RBFOX1: variants seen among roughly 807,000 people sequenced by gnomAD.
RBFOX1 encodes RNA binding fox-1 homolog 1, also known as RNA binding protein fox-1 homolog 1.
Under a neutral mutation model 57.7 loss-of-function variants are expected in RBFOX1, and 8 were observed. The ratio of observed to expected loss-of-function variants is 0.14; its 90% CI spans 0.08 to 0.25. RBFOX1 has a LOEUF of 0.25. Among genes scored for constraint, RBFOX1 ranks in the 10% least tolerant of loss-of-function variants. The pLI is 1.00. For synonymous variants in RBFOX1, 326 were observed against 222.4 expected, an observed-to-expected ratio of 1.47 and a Z score of -4.15; for missense variants, 611 against 548.5, an observed-to-expected ratio of 1.11 and a Z score of -1.14.
At chr16:7,047,553 T>G (rs997291551) in intron 3 of RBFOX1, among the ~76,000 whole-genome samples, 1 of 152,022 alleles carries the variant, frequency 6.6e-6, no homozygotes, top group South Asian at 2.1e-4. Flanking sequence ...TTTAACTCTT[T>G]TAGTTCCTTG....
At chr16:5,454,958 C>CCTTTCTTTCTTCCTTT (rs2068574626) in intron 1 of RBFOX1, among the ~76,000 whole-genome samples, 1 of 30,384 alleles carries the variant, frequency 3.3e-5, no homozygotes, top group Non-Finnish European at 5.9e-5. Flanking sequence ...TTCCTTCCTT[C>CCTTTCTTTCTTCCTTT]CTTTCTTTCT....
chr16:7,139,989 A>G (rs2073226754), intron 4 of RBFOX1, among the ~76,000 whole-genome samples: 1 of 152,100 alleles, frequency 6.6e-6, no homozygotes, highest in Admixed American at 6.6e-5. Context: ...CCAAGTCAAG[A>G]CTGCAGTGGA....
chr16:6,249,683 T>G (rs1315952788), intron 1 of RBFOX1, among the ~76,000 whole-genome samples: 1 of 151,728 alleles, frequency 6.6e-6, no homozygotes, highest in Non-Finnish European at 1.5e-5. Context: ...AGGGCATCCA[T>G]GCCAAGTGAT....
intron 4 of RBFOX1, among the ~76,000 whole-genome samples, chr16:5,997,686 G>A (rs2060514682): frequency 6.6e-6 from 1 of 152,102 alleles, no homozygotes; most frequent in Admixed American, 6.5e-5. Context: ...GAAGAGGAAT[G>A]GTTTTCACAT....
intron 2 of RBFOX1, among the ~76,000 whole-genome samples, chr16:6,349,181 C>T (rs1278275131): frequency 6.6e-6 from 1 of 152,120 alleles, no homozygotes; most frequent in Admixed American, 6.6e-5. Flanking sequence ...GAATTTTAGA[C>T]AGGTTTAGAG....
intron 3 of RBFOX1, among the ~76,000 whole-genome samples, chr16:6,829,266 T>C (rs1183725611): frequency 6.7e-6 from 1 of 149,962 alleles, no homozygotes; most frequent in Non-Finnish European, 1.5e-5. Context: ...AAAAATAGCA[T>C]AAAAGGAGAA....
chr16:5,417,530 A>G (rs2067193163), intron 1 of RBFOX1, among the ~76,000 whole-genome samples: 1 of 152,232 alleles, frequency 6.6e-6, no homozygotes, highest in Non-Finnish European at 1.5e-5. Context: ...CTGGACAAAG[A>G]TGATCAATCG....
intron 1 of RBFOX1, among the ~76,000 whole-genome samples, chr16:6,247,525 G>A (rs1020732951): frequency 1.3e-5 from 2 of 152,210 alleles, no homozygotes; most frequent in Non-Finnish European, 2.9e-5. Flanking sequence ...GGTAGTAACA[G>A]CCAATATGCA....
chr16:5,357,977 A>G (rs1016487273), intron 1 of RBFOX1, among the ~76,000 whole-genome samples: 2 of 152,198 alleles, frequency 1.3e-5, no homozygotes, highest in African/African-American at 4.8e-5. Context: ...AGTTTCCTAG[A>G]GCTGCTGTAG....
intron 1 of RBFOX1, among the ~76,000 whole-genome samples, chr16:5,368,418 C>G (rs1010200022): frequency 6.6e-6 from 1 of 152,188 alleles, no homozygotes; most frequent in Admixed American, 6.5e-5. Context: ...CTCCCACCCT[C>G]CCACTTCCTT....
chr16:7,506,005 G>T (rs2151943766), intron 4 of RBFOX1, among the ~76,000 whole-genome samples: 1 of 151,868 alleles, frequency 6.6e-6, no homozygotes, highest in African/African-American at 2.4e-5. Context: ...CTAACATGGT[G>T]AAACACCATC....
intron 2 of RBFOX1, among the ~76,000 whole-genome samples, chr16:6,556,503 C>T (rs1241081145): frequency 6.6e-6 from 1 of 152,104 alleles, no homozygotes; most frequent in East Asian, 1.9e-4. Flanking sequence ...CCCAGGAAGT[C>T]CACGGCGCAT....
At chr16:7,201,903 G>A (rs1464433872) in intron 4 of RBFOX1, among the ~76,000 whole-genome samples, 1 of 152,210 alleles carries the variant, frequency 6.6e-6, no homozygotes, top group East Asian at 1.9e-4. Context: ...TTAGATGGCA[G>A]AGGAGATGTA....
At chr16:6,286,681 A>G (rs2076935644) in intron 1 of RBFOX1, among the ~76,000 whole-genome samples, 1 of 152,122 alleles carries the variant, frequency 6.6e-6, no homozygotes, top group Non-Finnish European at 1.5e-5. Context: ...TCTTTTGTTT[A>G]CCCACTGGAC....
At chr16:5,431,736 C>G (rs1464064074) in intron 1 of RBFOX1, among the ~76,000 whole-genome samples, 1 of 152,146 alleles carries the variant, frequency 6.6e-6, no homozygotes, top group Non-Finnish European at 1.5e-5. Context: ...CATAGTCATG[C>G]AGAAGATGGC....
chr16:5,963,364 G>A (rs2152290419), intron 4 of RBFOX1, among the ~76,000 whole-genome samples: 1 of 152,290 alleles, frequency 6.6e-6, no homozygotes, highest in East Asian at 1.9e-4. Context: ...GAAAGTTCTG[G>A]AGTGTTATAC....
intron 4 of RBFOX1, among the ~76,000 whole-genome samples, chr16:7,177,216 A>C (rs945732880): frequency 2.0e-5 from 3 of 152,204 alleles, no homozygotes; most frequent in Non-Finnish European, 4.4e-5. Context: ...ACCGCTTCCA[A>C]TCAAAGGGGA....
chr16:5,750,910 C>T (rs1350967407), intron 3 of RBFOX1, among the ~76,000 whole-genome samples: 4 of 152,198 alleles, frequency 2.6e-5, no homozygotes, highest in Admixed American at 6.5e-5. Flanking sequence ...GAGATGAACC[C>T]GGTACTGGGA....
At chr16:7,294,609 T>G (rs1347882678) in intron 4 of RBFOX1, among the ~76,000 whole-genome samples, 2 of 151,968 alleles carry the variant, frequency 1.3e-5, no homozygotes, top group East Asian at 3.9e-4. Flanking sequence ...TTACTCCTGC[T>G]CTAATTGAGT....
Sources: allele counts gnomAD v4.1 joint callset (sites outside exome capture counted in the v4.1 genomes callset), GRCh38; gene constraint gnomAD v4.1.1; transcripts MANE v1.5; gene names NCBI Gene and HGNC (gene_info 2026-07-23, HGNC 2026-07-21).